Variants in KCTD16 observed in about 807,000 individuals in gnomAD.
The protein encoded by KCTD16 is BTB/POZ domain-containing protein KCTD16.
KCTD16 carries 13 observed loss-of-function variants against 33.2 expected under a neutral mutation model. The ratio of observed to expected loss-of-function variants is 0.39; its 90% CI spans 0.25 to 0.62. KCTD16 has a LOEUF of 0.62. KCTD16 is among the 20% of genes least tolerant of loss of function. The probability of loss-of-function intolerance (pLI) is 0.50; values close to 1 mark genes in which losing one functional copy is unlikely to be tolerated. For synonymous variants in KCTD16, 197 were observed against 195.3 expected (o/e 1.01, Z -0.07); for missense variants, 441 against 525.1 (o/e 0.84, Z 1.57).
At chr5:144,372,806 A>T (rs986225663) in intron 3 of KCTD16, among the ~76,000 whole-genome samples, 1 of 152,228 alleles carries the variant, frequency 6.6e-6, no homozygotes, top group Non-Finnish European at 1.5e-5. Context: ...AGATAATGAA[A>T]TACCATGGCA....
intron 3 of KCTD16, among the ~76,000 whole-genome samples, chr5:144,301,218 G>A (rs1477384716): frequency 1.4e-5 from 2 of 145,616 alleles, no homozygotes; most frequent in Admixed American, 6.9e-5. Context: ...TCAAACCTGG[G>A]TGACAGAGCG....
chr5:144,281,166 A>G (rs1254025838), intron 3 of KCTD16, among the ~76,000 whole-genome samples: 1 of 152,244 alleles, frequency 6.6e-6, no homozygotes, highest in Non-Finnish European at 1.5e-5. Flanking sequence ...TAGGCGACAG[A>G]CCGAGACTCC....
chr5:144,252,914 C>T (rs1376653479), intron 3 of KCTD16, among the ~76,000 whole-genome samples: 1 of 149,932 alleles, frequency 6.7e-6, no homozygotes, highest in Non-Finnish European at 1.5e-5. Flanking sequence ...TCTCCTTCTC[C>T]CCTTTGTCTC....
intron 3 of KCTD16, among the ~76,000 whole-genome samples, chr5:144,357,962 C>T (rs1751609641): frequency 6.6e-6 from 1 of 151,970 alleles, no homozygotes; most frequent in South Asian, 2.1e-4. Context: ...CTTGCTCTGC[C>T]ACACAGGCTG....
chr5:144,405,234 C>A (rs578163528), intron 3 of KCTD16, among the ~76,000 whole-genome samples: 2 of 152,098 alleles, frequency 1.3e-5, no homozygotes, highest in Non-Finnish European at 1.5e-5. Flanking sequence ...TAAATCAAAC[C>A]CATTTTGCTT....
intron 3 of KCTD16, among the ~76,000 whole-genome samples, chr5:144,445,700 C>T (rs1359470205): frequency 6.6e-6 from 1 of 151,740 alleles, no homozygotes; most frequent in Non-Finnish European, 1.5e-5. Context: ...CCTGAGATTT[C>T]CTGGCTTTGT....
chr5:144,361,945 T>A (rs1050716600), intron 3 of KCTD16, among the ~76,000 whole-genome samples: 2 of 148,872 alleles, frequency 1.3e-5, no homozygotes, highest in Non-Finnish European at 3.0e-5. Context: ...TGTGTGTGTG[T>A]GTGATATATT....
At chr5:144,295,233 A>G (rs1756003268) in intron 3 of KCTD16, among the ~76,000 whole-genome samples, 1 of 152,236 alleles carries the variant, frequency 6.6e-6, no homozygotes, top group South Asian at 2.1e-4. Context: ...GTCCTGTTTA[A>G]TGGTACATAA....
intron 3 of KCTD16, among the ~76,000 whole-genome samples, chr5:144,408,003 T>C (rs138867537): frequency 6.6e-6 from 1 of 152,222 alleles, no homozygotes; most frequent in African/African-American, 2.4e-5. Flanking sequence ...GCAATAAACA[T>C]ACGTGTGCAT....
chr5:144,335,690 G>A (rs939894643), intron 3 of KCTD16, among the ~76,000 whole-genome samples: 5 of 152,140 alleles, frequency 3.3e-5, no homozygotes, highest in African/African-American at 9.7e-5. Context: ...AAAAAATGAA[G>A]CAGAACCTCT....
At chr5:144,386,481 C>T (rs1426074009) in intron 3 of KCTD16, among the ~76,000 whole-genome samples, 1 of 152,158 alleles carries the variant, frequency 6.6e-6, no homozygotes, top group Non-Finnish European at 1.5e-5. Flanking sequence ...ACTATGGTCA[C>T]ATTTGTTCTC....
chr5:144,320,371 C>T (rs911462677), intron 3 of KCTD16, among the ~76,000 whole-genome samples: 6 of 152,022 alleles, frequency 3.9e-5, no homozygotes, highest in Admixed American at 6.6e-5. Context: ...TCTGTGACTG[C>T]GGAATTACTT....
chr5:144,392,011 A>G (rs1343269798), intron 3 of KCTD16, among the ~76,000 whole-genome samples: 6 of 152,204 alleles, frequency 3.9e-5, no homozygotes, highest in South Asian at 2.1e-4. Context: ...TTTACAGAGG[A>G]AGAAAGGTAT....
intron 3 of KCTD16, among the ~76,000 whole-genome samples, chr5:144,453,942 T>C (rs1455167776): frequency 6.6e-6 from 1 of 152,198 alleles, no homozygotes; most frequent in Non-Finnish European, 1.5e-5. Context: ...GACCTCATGT[T>C]CAGACTATCT....
At chr5:144,292,240 G>C (rs1755913880) in intron 3 of KCTD16, among the ~76,000 whole-genome samples, 1 of 152,182 alleles carries the variant, frequency 6.6e-6, no homozygotes, top group Non-Finnish European at 1.5e-5. Flanking sequence ...TCAGGGGAGT[G>C]GTATTTTGGG....
At chr5:144,407,776 T>C (rs1325337171) in intron 3 of KCTD16, among the ~76,000 whole-genome samples, 7 of 152,296 alleles carry the variant, frequency 4.6e-5, no homozygotes, top group Admixed American at 3.3e-4. Flanking sequence ...CTCCCTCTTA[T>C]GAGTGAGAAT....
chr5:144,271,999 C>A (rs1755310887), intron 3 of KCTD16, among the ~76,000 whole-genome samples: 1 of 151,926 alleles, frequency 6.6e-6, no homozygotes, highest in Admixed American at 6.6e-5. Flanking sequence ...CAAAACCCTG[C>A]TGAAATAAAG....
At chr5:144,332,010 A>T (rs1752374631) in intron 3 of KCTD16, among the ~76,000 whole-genome samples, 2 of 152,188 alleles carry the variant, frequency 1.3e-5, no homozygotes, top group South Asian at 4.1e-4. Context: ...GAAAAAGCCC[A>T]TGCATGTTAA....
At chr5:144,353,991 A>G (rs1041433998) in intron 3 of KCTD16, among the ~76,000 whole-genome samples, 2 of 152,158 alleles carry the variant, frequency 1.3e-5, no homozygotes, top group Non-Finnish European at 2.9e-5. Flanking sequence ...AAGAGAGAAC[A>G]AAGAAACATT....
Sources: allele counts gnomAD v4.1 joint callset (sites outside exome capture counted in the v4.1 genomes callset), GRCh38; gene constraint gnomAD v4.1.1; transcripts MANE v1.5; gene names NCBI Gene and HGNC (gene_info 2026-07-23, HGNC 2026-07-21).